The following MYH2 variants were observed in gnomAD, a reference collection of about 807,000 sequenced individuals.
The protein encoded by MYH2 is myosin-2.
In MYH2, 139 loss-of-function variants were observed where a neutral mutation model predicts 228.1. The observed-to-expected ratio is 0.61, with a 90% confidence interval of 0.53 to 0.70. The LOEUF (loss-of-function observed/expected upper bound fraction) is 0.70. MYH2 is among the 30% of genes least tolerant of loss of function. The pLI, the probability that MYH2 is intolerant of heterozygous loss-of-function variation, is 0.00. For synonymous variants in MYH2, 796 were observed against 871.1 expected, an observed-to-expected ratio of 0.91 and a Z score of 1.52; for missense variants, 1,809 against 2,357.5, an observed-to-expected ratio of 0.77 and a Z score of 4.82.
chr17:10,535,021 T>G (rs920148301), intron 19 of MYH2, 52 bp downstream of exon 19: 54 of 1,584,772 alleles, frequency 3.4e-5, no homozygotes, highest in Middle Eastern at 3.4e-4. Flanking sequence ...TTGCTTGCAT[T>G]AAACTTGTTC....
At position 10,539,927 on chromosome 17, in the gene MYH2, C is replaced by T; in HGVS notation, c.1147+1G>A. On this transcript the variant is annotated splice_donor_variant, in intron 12 of 39. Transcript: ENST00000245503. LOFTEE classifies it high-confidence loss of function. ...AATCATGGGAGTGACTTAGTTGATACCTTCTGTGCCATCTGGCTCTGCTTG... is the reference window on the plus strand; with the variant it reads ...AATCATGGGAGTGACTTAGTTGATATCTTCTGTGCCATCTGGCTCTGCTTG... 1 of 1,613,972 alleles carries T rather than the reference C, an allele frequency of 6.2e-7. No individual in the cohort carries two copies. The highest frequency in any genetic ancestry group is 8.5e-7 in the Non-Finnish European group (1 of 1,179,960).
In MYH2 at chr17:10,535,376, A is replaced by G. The variant is rs748106158; in HGVS notation, c.1975-11T>C. 1.9e-6 allele frequency: 3 copies of G among 1,611,064 alleles called. No individual in the cohort carries two copies. In the African/African-American group the frequency reaches 4.0e-5, roughly 22 times the overall value. On this transcript the variant is annotated splice_polypyrimidine_tract_variant and intron_variant, in intron 17 of 39. Transcript: ENST00000245503. ...CTTGTTCAAATTCTCCTGTAAAACC[A>G]GGAAAAATCCTGTCATTTTAGGCTC...
In MYH2 at chr17:10,543,942, C is replaced by A. The variant is rs201358302; in HGVS notation, c.608G>T (p.Gly203Val). ...AGTAATTTCTTCCTTCTTCTTCTCACCAGTAACTGCAATTGTTGCAAAGTA... is the reference window on the plus strand; with the variant it reads ...AGTAATTTCTTCCTTCTTCTTCTCAACAGTAACTGCAATTGTTGCAAAGTA... ...IQYFATIAVT[G>V]EKKKEEITSG... Residue 203 changes from glycine to valine, a missense_variant, in exon 7 of 40, where the codon GGT becomes GTT. Physicochemically the swap from Gly to Val is moderately radical, Grantham distance 109 (BLOSUM62 -3). Around this residue, in one of 9 missense-constraint regions of MYH2, gnomAD observed 373 missense variants for 620.4 expected, o/e 0.60. Transcript: ENST00000245503. 6.2e-7 allele frequency: 1 copy of A among 1,614,198 alleles called. No individual in the cohort carries two copies. Among genetic ancestry groups the A allele is most frequent in the Non-Finnish European group, 8.5e-7 (1 of 1,180,034 alleles).
At chr17:10,522,844 A>G (rs2073300817) in intron 39 of MYH2, among the ~76,000 whole-genome samples, 1 of 152,114 alleles carries the variant, frequency 6.6e-6, no homozygotes, top group Non-Finnish European at 1.5e-5. Flanking sequence ...CAACTCCGTC[A>G]TACTGTGGCC....
rs766868420 is a variant in MYH2 at position 10,524,474 on chromosome 17, G to T, written c.5167C>A (p.His1723Asn). The change falls in exon 35 of 40, where the codon CAC (histidine) becomes AAC (asparagine). Residue 1723 changes from histidine to asparagine, a missense_variant. By Grantham distance (68) the His-to-Asn change is moderately conservative. Around this residue, in one of 9 missense-constraint regions of MYH2, gnomAD observed 278 missense variants for 308.5 expected, o/e 0.90. Transcript: ENST00000245503. The surrounding 1 kb of genome is among the most constrained non-coding windows in gnomAD (Gnocchi z 4.7). ...LDASERVQLLHTQNTSLINTK... is the reference protein window; with the variant it reads ...LDASERVQLLNTQNTSLINTK... ...TTTGTGCTGAATCCCACCTGGGTGT[G>T]CAGTAGCTGAACACGCTCACTGGCA... The T allele has an allele frequency of 1.9e-6, 3 of 1,614,150 alleles. No homozygotes were observed. Among genetic ancestry groups the T allele is most frequent in the South Asian group, 2.2e-5 (2 of 91,080 alleles).
At position 10,540,632 on chromosome 17, in the gene MYH2, C is replaced by CCA; in HGVS notation, c.968_969dup (p.Ala324TrpfsTer10). Reference sequence around the variant, plus strand: ...AGTTCTTCCTGATCATCGATGCTGGCCACACTGATCTCCCCTTGACTGACA... The same window carrying CCA: ...AGTTCTTCCTGATCATCGATGCTGGCCACACACTGATCTCCCCTTGACTGACA... On this transcript the variant is annotated frameshift_variant, in exon 11 of 40. Coordinates refer to ENST00000245503, the MANE Select transcript of MYH2 (RefSeq NM_017534.6). LOFTEE classifies it high-confidence loss of function. 6.2e-7 allele frequency: 1 copy of CCA among 1,613,812 alleles called. No homozygotes were observed.
rs748511579 is a variant in MYH2 at position 10,537,290 on chromosome 17, T to C, written c.1840A>G (p.Lys614Glu). Residue 614 changes from lysine to glutamate, a missense_variant, in exon 16 of 40, where the codon AAG becomes GAG. By Grantham distance (56) the Lys-to-Glu change is moderately conservative (BLOSUM62 1). Coordinates refer to ENST00000245503, the MANE Select transcript of MYH2 (RefSeq NM_017534.6). The surrounding 1 kb of genome is among the most constrained non-coding windows in gnomAD (Gnocchi z 4.0). The stretch of plus-strand genomic sequence containing the variant: ...TGAGCTAGAGTTTTCATTGCAGACT[T>C]CTGGTACAGTCCAACCACGGTCTCA... ...LNETVVGLYQ[K>E]SAMKTLAQLF... 1.9e-6 allele frequency: 3 copies of C among 1,614,236 alleles called. No homozygotes were observed. In the South Asian group the frequency reaches 3.3e-5, roughly 18 times the overall value.
intron 10 of MYH2, among the ~76,000 whole-genome samples, chr17:10,542,541 A>G (rs1567736148): frequency 6.6e-6 from 1 of 152,200 alleles, no homozygotes; most frequent in Non-Finnish European, 1.5e-5. Context: ...ATTACAGGAG[A>G]GCATGTAACC....
Position 10,521,256 on chromosome 17 carries a change from T to A in MYH2, c.*24A>T, listed in dbSNP as rs752726909. 1 of 1,612,616 alleles carries A rather than the reference T, an allele frequency of 6.2e-7. No individual in the cohort carries two copies. The highest frequency in any genetic ancestry group is 2.2e-5 in the East Asian group (1 of 44,862). ...TGTCACATTTTGTGCCTGTCTTCAGTCATTCCATGGCATCAGGACATGATC... is the reference window on the plus strand; with the variant it reads ...TGTCACATTTTGTGCCTGTCTTCAGACATTCCATGGCATCAGGACATGATC... On this transcript the variant is annotated 3_prime_UTR_variant, in exon 40 of 40. Transcript: ENST00000245503.
chr17:10,534,362 C>G (rs1049298053), intron 19 of MYH2, among the ~76,000 whole-genome samples: 3 of 152,218 alleles, frequency 2.0e-5, no homozygotes, highest in Admixed American at 6.5e-5. Flanking sequence ...AACTCAACCA[C>G]TTAATAACTG....
At position 10,537,842 on chromosome 17, in the gene MYH2, A is replaced by T. The variant is rs1284282270; in HGVS notation, c.1417-7T>A. ...GCTGCTCCAGGCTGTTGAACTAAAT[A>T]AATAGATATGTTTACTTCTCTCTTA... On this transcript the variant is annotated splice_region_variant and splice_polypyrimidine_tract_variant and intron_variant, in intron 14 of 39. Transcript: ENST00000245503. This position sits in a 1 kb window ranked among gnomAD's most constrained non-coding sequence, Gnocchi z 4.0. 3.1e-6 allele frequency: 5 copies of T among 1,614,230 alleles called. No homozygotes were observed. The South Asian group carries it at 5.5e-5, about 18-fold the overall frequency.
chr17:10,536,478 TA>T (rs60985888), intron 17 of MYH2, 51 bp downstream of exon 17: 16 of 1,497,894 alleles, frequency 1.1e-5, no homozygotes, highest in African/African-American at 4.2e-5. Flanking sequence ...CAGACCCATG[TA>T]AAAAAAATCC....
In MYH2 at chr17:10,528,924, G is replaced by T. The variant is rs1226573854; in HGVS notation, c.3510C>A (p.Asn1170Lys). The change falls in exon 27 of 40, where the codon AAC becomes AAA. Residue 1170 changes from asparagine to lysine, a missense_variant. Asn to Lys is a moderately conservative substitution (Grantham distance 94). Around this residue, in one of 9 missense-constraint regions of MYH2, gnomAD observed 636 missense variants for 729.9 expected, o/e 0.87. Coordinates refer to ENST00000245503, the MANE Select transcript of MYH2 (RefSeq NM_017534.6). ...TCTGGAACTCAGCCTCCCGCTTCTT[G>T]TTCATCTCAATCTGGGCTGAAGTGG... ...GGATSAQIEM[N>K]KKREAEFQKM... 1.2e-6 allele frequency: 2 copies of T among 1,614,180 alleles called. No individual in the cohort carries two copies. Among genetic ancestry groups the T allele is most frequent in the African/African-American group, 2.7e-5 (2 of 75,066 alleles).
rs150705907 is a variant in MYH2 at position 10,547,851 on chromosome 17, G to A, written c.70C>T (p.Arg24Cys). ...APFLRKSERERIEAQNRPFDA... is the reference protein window; with the variant it reads ...APFLRKSERECIEAQNRPFDA... ...AAGGGCCTATTCTGGGCCTCAATGC[G>A]CTCCCTTTCAGACTTTCGGAGGAAA... The change falls in exon 3 of 40, where the codon CGC (arginine) becomes TGC (cysteine). Residue 24 changes from arginine to cysteine, a missense_variant. Arg to Cys is a radical substitution (Grantham distance 180). This residue lies in a region of MYH2 where 84 missense variants were observed against 81.8 expected (regional missense o/e 1.03). Transcript: ENST00000245503. 41 of 1,613,956 alleles carry A rather than the reference G, an allele frequency of 2.5e-5. No homozygotes were observed. The highest frequency in any genetic ancestry group is 1.6e-4 in the Middle Eastern group (1 of 6,084).
chr17:10,542,811 G>T, intron 10 of MYH2, 64 bp downstream of exon 10: 1 of 1,110,456 alleles, frequency 9.0e-7, no homozygotes, highest in Non-Finnish European at 1.4e-6. Flanking sequence ...AGAATACTAG[G>T]TTGGACTGTG....
At chr17:10,539,062 A>G (rs189318273) in intron 14 of MYH2, 143 bp downstream of exon 14, 1 of 1,465,064 alleles carries the variant, frequency 6.8e-7, no homozygotes, top group South Asian at 1.2e-5. Flanking sequence ...TTGGTACTAC[A>G]ATAACTGACC....
At chr17:10,539,649 G>C (rs549583352) in intron 12 of MYH2, 87 bp from the exon 13 acceptor site, 272 of 1,383,592 alleles carry the variant, frequency 2.0e-4, no homozygotes, top group Non-Finnish European at 2.5e-4. Flanking sequence ...CAAGTATTTT[G>C]TGCAGTGTTT....
At chr17:10,539,608 AC>A (rs772113580) in intron 12 of MYH2, 46 bp from the exon 13 acceptor site, 22 of 1,534,108 alleles carry the variant, frequency 1.4e-5, no homozygotes, top group Non-Finnish European at 2.0e-5. Flanking sequence ...GCCCAAAGAA[AC>A]CCACTTCCTT....
chr17:10,547,729 A>G lies in MYH2; in HGVS notation c.192T>C (p.Thr64=). The G allele has an allele frequency of 6.2e-7, 1 of 1,614,214 alleles. No homozygotes were observed. The highest frequency in any genetic ancestry group is 2.2e-5 in the East Asian group (1 of 44,882). ...GGATTCTACTCACCGCTCCTCCCTC[A>G]GTCTTCACCGTCACTTTTCCTCCTT... ...SREGGKVTVK[T]EGGATLTVKD... Residue 64 remains threonine, a synonymous_variant, in exon 3 of 40, where the codon ACT becomes ACC. Coordinates refer to ENST00000245503, the MANE Select transcript of MYH2 (RefSeq NM_017534.6).
Sources: allele counts gnomAD v4.1 joint callset (sites outside exome capture counted in the v4.1 genomes callset), GRCh38; gene constraint gnomAD v4.1.1; regional missense constraint gnomAD v4.1.1; non-coding constraint Gnocchi (gnomAD v3.1); transcripts MANE v1.5; gene names NCBI Gene and HGNC (gene_info 2026-07-23, HGNC 2026-07-21).